Variants in ARHGAP42 observed in about 807,000 individuals in gnomAD.
ARHGAP42 encodes the protein Rho GTPase activating protein 42, also known as rho GTPase-activating protein 42.
A neutral mutation model predicts 125.0 loss-of-function variants in ARHGAP42; 63 were observed. The ratio of observed to expected loss-of-function variants is 0.50; its 90% CI spans 0.41 to 0.62. ARHGAP42 has a LOEUF of 0.62. Among genes scored for constraint, ARHGAP42 ranks in the 20% least tolerant of loss-of-function variants. ARHGAP42 has a pLI of 0.00. For missense variants in ARHGAP42, 766 were observed against 1,024.2 expected (o/e 0.75, Z 3.44); for synonymous variants, 339 against 351.0 (o/e 0.97, Z 0.38).
At chr11:100,959,782 C>A in intron 12 of ARHGAP42, 101 bp from the exon 13 acceptor site, 1 of 1,086,864 alleles carries the variant, frequency 9.2e-7, no homozygotes, top group Non-Finnish European at 1.3e-6. Flanking sequence ...CAGAAAAAAC[C>A]TCTCTACTGT....
chr11:100,869,669 T>C (rs142071106), intron 4 of ARHGAP42, among the ~76,000 whole-genome samples: 1,953 of 152,274 alleles, frequency 0.013, 20 homozygotes, highest in Admixed American at 0.034. Flanking sequence ...AGCCATTCTA[T>C]TGGAAAGTTT....
At chr11:100,835,387 C>A (rs982623330) in intron 3 of ARHGAP42, among the ~76,000 whole-genome samples, 3 of 152,134 alleles carry the variant, frequency 2.0e-5, no homozygotes, top group African/African-American at 7.2e-5. Context: ...ACTTAAAGTC[C>A]TAAGGTGTCC....
chr11:100,846,983 C>A (rs1283143979), intron 3 of ARHGAP42, among the ~76,000 whole-genome samples: 1 of 151,958 alleles, frequency 6.6e-6, no homozygotes, highest in African/African-American at 2.4e-5. Flanking sequence ...AAGAAGAGAC[C>A]CAGAGCCAGC....
chr11:100,927,716 AG>A, intron 6 of ARHGAP42, among the ~76,000 whole-genome samples: 1 of 152,306 alleles, frequency 6.6e-6, no homozygotes, highest in Middle Eastern at 3.4e-3. Flanking sequence ...AGTGTACCTC[AG>A]GCCTCTTCAT....
At chr11:100,954,452 A>G (rs1010091150) in intron 12 of ARHGAP42, among the ~76,000 whole-genome samples, 3 of 152,176 alleles carry the variant, frequency 2.0e-5, no homozygotes, top group Non-Finnish European at 4.4e-5. Flanking sequence ...AAATTTCCCA[A>G]CAGCTCTAAA....
At chr11:100,968,893 C>G (rs1412140609) in intron 17 of ARHGAP42, among the ~76,000 whole-genome samples, 2 of 151,320 alleles carry the variant, frequency 1.3e-5, no homozygotes, top group Admixed American at 6.6e-5. Context: ...ATATATATTT[C>G]TACTCTTTTA....
chr11:100,864,717 G>A (rs932989577), intron 4 of ARHGAP42, among the ~76,000 whole-genome samples: 1 of 152,126 alleles, frequency 6.6e-6, no homozygotes, highest in Non-Finnish European at 1.5e-5. Context: ...ACTCCCTAGA[G>A]CAACTCTGTT....
chr11:100,894,493 G>T (rs1450102663), intron 4 of ARHGAP42, among the ~76,000 whole-genome samples: 1 of 152,306 alleles, frequency 6.6e-6, no homozygotes, highest in South Asian at 2.1e-4. Flanking sequence ...AAAAGAAAAG[G>T]TATATTTTTG....
chr11:100,988,063 G>T (rs1451959595), intron 23 of ARHGAP42, among the ~76,000 whole-genome samples: 2 of 152,250 alleles, frequency 1.3e-5, no homozygotes, highest in East Asian at 1.9e-4. Flanking sequence ...GGGAGGCGGA[G>T]GTTGCAGTGA....
At chr11:100,963,240 A>T (rs1212885788) in intron 16 of ARHGAP42, among the ~76,000 whole-genome samples, 1 of 152,182 alleles carries the variant, frequency 6.6e-6, no homozygotes, top group Non-Finnish European at 1.5e-5. Flanking sequence ...CAATGATCAC[A>T]TTTATGTCAT....
intron 10 of ARHGAP42, among the ~76,000 whole-genome samples, chr11:100,948,019 A>G (rs1868070113): frequency 6.6e-6 from 1 of 152,030 alleles, no homozygotes; most frequent in Non-Finnish European, 1.5e-5. Context: ...TTACCTAGTT[A>G]TGATATGAGG....
At chr11:100,959,639 G>T (rs1170476462) in intron 12 of ARHGAP42, among the ~76,000 whole-genome samples, 4 of 152,094 alleles carry the variant, frequency 2.6e-5, no homozygotes, top group African/African-American at 9.7e-5. Context: ...AGGAAAAGTG[G>T]ATGAGATCAT....
chr11:100,813,176 C>T (rs1734711216), intron 3 of ARHGAP42, among the ~76,000 whole-genome samples: 1 of 151,766 alleles, frequency 6.6e-6, no homozygotes, highest in South Asian at 2.1e-4. Flanking sequence ...GATTTCTCCA[C>T]CTCAGCACTG....
intron 4 of ARHGAP42, among the ~76,000 whole-genome samples, chr11:100,871,986 G>A (rs990015443): frequency 3.3e-5 from 5 of 152,072 alleles, no homozygotes; most frequent in South Asian, 2.1e-4. Context: ...CGGGTGATCC[G>A]CCCACCTCAG....
intron 1 of ARHGAP42, among the ~76,000 whole-genome samples, chr11:100,701,076 T>C (rs1342035786): frequency 6.6e-6 from 1 of 152,142 alleles, no homozygotes; most frequent in Non-Finnish European, 1.5e-5. Flanking sequence ...AATCTTTTTA[T>C]ACATCGCCAT....
Position 100,965,874 on chromosome 11 carries a change from T to C in ARHGAP42, c.1550+98T>C, listed in dbSNP as rs1858077623. 7 of 1,083,032 alleles carry C rather than the reference T, an allele frequency of 6.5e-6. No individual in the cohort carries two copies. In the East Asian group the frequency reaches 1.8e-4, roughly 28 times the overall value. The allele number at this position is 1,083,032 out of a possible 1,614,324, so 67.1% of individuals were successfully genotyped here. On this transcript the variant is annotated intron_variant, in intron 17 of 23. Coordinates refer to ENST00000298815, the MANE Select transcript of ARHGAP42 (RefSeq NM_152432.4). ...TGTGATGATGTTATAACATTGGTAT[T>C]ATAATTAGAGTCCATTGAATTTGCT... is the stretch of plus-strand genomic sequence containing the variant.
intron 4 of ARHGAP42, among the ~76,000 whole-genome samples, chr11:100,895,786 T>C (rs2135199349): frequency 6.6e-6 from 1 of 152,200 alleles, no homozygotes; most frequent in East Asian, 1.9e-4. Flanking sequence ...TATTACAGGG[T>C]TCTATTACAG....
At chr11:100,790,529 A>G (rs1367384360) in intron 2 of ARHGAP42, among the ~76,000 whole-genome samples, 1 of 152,224 alleles carries the variant, frequency 6.6e-6, no homozygotes, top group Non-Finnish European at 1.5e-5. Flanking sequence ...TTACTACTGA[A>G]TATAGTCAGG....
At chr11:100,965,204 A>G (rs1455915636) in intron 16 of ARHGAP42, among the ~76,000 whole-genome samples, 1 of 152,052 alleles carries the variant, frequency 6.6e-6, no homozygotes, top group Non-Finnish European at 1.5e-5. Flanking sequence ...CCCTCCCACA[A>G]CACTTGGGGA....
Sources: allele counts gnomAD v4.1 joint callset (sites outside exome capture counted in the v4.1 genomes callset), GRCh38; gene constraint gnomAD v4.1.1; transcripts MANE v1.5; gene names NCBI Gene and HGNC (gene_info 2026-07-23, HGNC 2026-07-21).